PC: variants seen among roughly 807,000 people sequenced by gnomAD.
The protein encoded by PC is pyruvate carboxylase.
In PC, 46 loss-of-function variants were observed where a neutral mutation model predicts 107.8. That is an observed-to-expected ratio of 0.43 (90% CI 0.34 to 0.55). The LOEUF is 0.55. PC is among the 20% of genes least tolerant of loss of function. The pLI is 0.04. For synonymous variants in PC, 662 were observed against 684.7 expected (o/e 0.97, Z 0.52); for missense variants, 1,241 against 1,643.1 (o/e 0.76, Z 4.23).
chr11:66,893,377 G>A (rs1013761063), intron 3 of PC, among the ~76,000 whole-genome samples: 1 of 152,216 alleles, frequency 6.6e-6, no homozygotes, highest in African/African-American at 2.4e-5. Flanking sequence ...AGCGTAGACA[G>A]AGTCGCTTCT....
intron 1 of PC, among the ~76,000 whole-genome samples, chr11:66,954,887 G>A (rs1949521763): frequency 6.6e-6 from 1 of 151,872 alleles, no homozygotes; most frequent in Admixed American, 6.6e-5. Context: ...AGGCTGCAGT[G>A]AGCCAAGATG....
At position 66,866,116 on chromosome 11, in the gene PC, G is replaced by A; in HGVS notation, c.1185+71C>T. The A allele has an allele frequency of 6.5e-7, 1 of 1,540,992 alleles. No individual in the cohort carries two copies. The highest frequency in any genetic ancestry group is 8.8e-7 in the Non-Finnish European group (1 of 1,135,280). On this transcript the variant is annotated intron_variant, in intron 11 of 22. Coordinates refer to ENST00000393960, the MANE Select transcript of PC (RefSeq NM_001040716.2). The surrounding 1 kb of genome is among the most constrained non-coding windows in gnomAD (Gnocchi z 5.4). Reference sequence around the variant, plus strand: ...TGCCGGGCTGTGGCAACTTGGCACTGCAGCCCCAGGCACCAGGCAGAACCT... The same window carrying A: ...TGCCGGGCTGTGGCAACTTGGCACTACAGCCCCAGGCACCAGGCAGAACCT...
intron 3 of PC, among the ~76,000 whole-genome samples, chr11:66,879,504 G>T (rs938434135): frequency 6.6e-6 from 1 of 152,308 alleles, no homozygotes; most frequent in African/African-American, 2.4e-5. Flanking sequence ...CACAGAGGAG[G>T]GTGTCTGAGG....
intron 3 of PC, among the ~76,000 whole-genome samples, chr11:66,881,531 C>T (rs992802836): frequency 2.6e-5 from 4 of 152,218 alleles, no homozygotes; most frequent in African/African-American, 9.6e-5. Context: ...TGAGGCAGGG[C>T]GAGGGCCTGG....
At chr11:66,860,056 A>G in intron 12 of PC, 1 of 1,569,978 alleles carries the variant, frequency 6.4e-7, no homozygotes, top group Non-Finnish European at 8.6e-7. Context: ...GACCTGGGAG[A>G]TGCCGGGTGC....
intron 22 of PC, 34 bp downstream of exon 22, chr11:66,849,196 C>T (rs1435772015): frequency 1.9e-6 from 3 of 1,613,656 alleles, no homozygotes; most frequent in Admixed American, 3.3e-5. Flanking sequence ...CCAGCCAAGC[C>T]CCACCGCCTG....
chr11:66,946,440 C>G (rs34721292), intron 3 of PC, among the ~76,000 whole-genome samples: 1 of 151,900 alleles, frequency 6.6e-6, no homozygotes, highest in Non-Finnish European at 1.5e-5. Flanking sequence ...ATCAGCCTGG[C>G]CAATATGGTG....
In PC at chr11:66,851,264, T is replaced by G; in HGVS notation, c.1999A>C (p.Lys667Gln). Reference sequence around the variant, plus strand: ...CGGAAGACATCCATGCCATTCTCTTTGGCCACTTCACAGAACCTGCAAGGG... The same window carrying G: ...CGGAAGACATCCATGCCATTCTCTTGGGCCACTTCACAGAACCTGCAAGGG... ...NVVFKFCEVA[K>Q]ENGMDVFRVF... Residue 667 changes from lysine (K) to glutamine (Q), a missense_variant, in exon 17 of 23, where the codon AAA becomes CAA. By Grantham distance (53) the Lys-to-Gln change is moderately conservative. This residue lies in a region of PC where 1,143 missense variants were observed against 1,551.9 expected (regional missense o/e 0.74). Transcript: ENST00000393960. The G allele has an allele frequency of 6.2e-7, 1 of 1,601,342 alleles. No individual in the cohort carries two copies. Among genetic ancestry groups the G allele is most frequent in the Non-Finnish European group, 8.5e-7 (1 of 1,179,932 alleles).
intron 3 of PC, among the ~76,000 whole-genome samples, chr11:66,881,620 C>T (rs371368803): frequency 2.6e-5 from 4 of 152,248 alleles, no homozygotes; most frequent in Admixed American, 6.5e-5. Flanking sequence ...ACCTGGTGCC[C>T]GGCCAGTGCC....
chr11:66,950,666 G>A (rs1591320092), intron 3 of PC, among the ~76,000 whole-genome samples: 1 of 152,096 alleles, frequency 6.6e-6, no homozygotes, highest in East Asian at 1.9e-4. Flanking sequence ...TGGAAGAAGA[G>A]GTCCCTTCTT....
rs761184685 is a variant in PC, at chr11:66,849,391, C to G, written c.3148-21G>C. The G allele has an allele frequency of 4.3e-6, 7 of 1,611,572 alleles. No individual in the cohort carries two copies. In the Admixed American group the frequency reaches 8.3e-5, roughly 19 times the overall value. ...TCCACCTGCAGGGAGGGTGTGCAGA[C>G]TCAGAGCTGGACGCCAAGGTGGGAG... On this transcript the variant is annotated intron_variant, in intron 21 of 22. Coordinates refer to ENST00000393960, the MANE Select transcript of PC (RefSeq NM_001040716.2).
chr11:66,863,983 C>T, intron 11 of PC, 27 bp from the exon 12 acceptor site: 2 of 1,612,834 alleles, frequency 1.2e-6, no homozygotes, highest in Non-Finnish European at 1.7e-6. Context: ...GCGTGAGGAC[C>T]TGCGCCAGAA....
At chr11:66,942,480 G>A (rs1418382410) in intron 3 of PC, among the ~76,000 whole-genome samples, 1 of 151,962 alleles carries the variant, frequency 6.6e-6, no homozygotes, top group Non-Finnish European at 1.5e-5. Flanking sequence ...AAATATGCCA[G>A]TCACAAAAAG....
intron 3 of PC, among the ~76,000 whole-genome samples, chr11:66,921,566 G>A (rs1489862780): frequency 6.6e-6 from 1 of 152,116 alleles, no homozygotes; most frequent in Non-Finnish European, 1.5e-5. Context: ...CTCTGGGGGT[G>A]GTGGCTTTGT....
At chr11:66,859,673 G>A in intron 12 of PC, 9 of 1,613,052 alleles carry the variant, frequency 5.6e-6, no homozygotes, top group Non-Finnish European at 7.6e-6. Context: ...TCCTGCTGAA[G>A]CACCTCGTCC....
intron 12 of PC, chr11:66,859,610 GCT>G: frequency 6.2e-7 from 1 of 1,612,072 alleles, no homozygotes; most frequent in Non-Finnish European, 8.5e-7. Context: ...CCAGCCCCGG[GCT>G]CTGACCACCT....
chr11:66,931,327 C>T (rs915426603), intron 3 of PC, among the ~76,000 whole-genome samples: 3 of 146,050 alleles, frequency 2.1e-5, no homozygotes, highest in African/African-American at 7.6e-5. Context: ...TGCAGTGGGC[C>T]GAGATGGCAC....
Position 66,858,881 on chromosome 11 carries a change from C to G in PC, c.1368+4893G>C. Reference sequence around the variant, plus strand: ...TGCCCCATGGTGGGAACAGCAGTGCCGAGGGGGGCCGCCCCGGGCCCTCGG... The same window carrying G: ...TGCCCCATGGTGGGAACAGCAGTGCGGAGGGGGGCCGCCCCGGGCCCTCGG... On this transcript the variant is annotated intron_variant, in intron 12 of 22. Transcript: ENST00000393960. This position sits in a 1 kb window ranked among gnomAD's most constrained non-coding sequence, Gnocchi z 5.9. The G allele has an allele frequency of 6.4e-7, 1 of 1,553,542 alleles. No homozygotes were observed. The highest frequency in any genetic ancestry group is 8.7e-7 in the Non-Finnish European group (1 of 1,148,712).
rs1259269810 is a variant in PC at position 66,857,272 on chromosome 11, G to A, written c.1369-3889C>T. The stretch of plus-strand genomic sequence containing the variant: ...GCCGGGCTCGCAGGGAGGCCGGCCC[G>A]CGCCCCCTGAGCGACGGACACCAGG... On this transcript the variant is annotated intron_variant, in intron 12 of 22. Coordinates refer to ENST00000393960, the MANE Select transcript of PC (RefSeq NM_001040716.2). The surrounding 1 kb of genome is among the most constrained non-coding windows in gnomAD (Gnocchi z 7.1). 1.3e-5 allele frequency: 2 copies of A among 149,558 alleles called. No individual in the cohort carries two copies. The highest frequency in any genetic ancestry group is 2.4e-5 in the African/African-American group (1 of 41,056). The allele number at this position is 149,558 out of a possible 1,614,324, so 9.3% of individuals were successfully genotyped here. A position where few individuals can be genotyped will look rare whatever the true frequency, so the allele number is the denominator to read the frequency against.
Sources: allele counts gnomAD v4.1 joint callset (sites outside exome capture counted in the v4.1 genomes callset), GRCh38; gene constraint gnomAD v4.1.1; regional missense constraint gnomAD v4.1.1; non-coding constraint Gnocchi (gnomAD v3.1); transcripts MANE v1.5; gene names NCBI Gene and HGNC (gene_info 2026-07-23, HGNC 2026-07-21).